Variants in IGFN1 observed in about 807,000 individuals in gnomAD.
IGFN1 encodes the protein immunoglobulin like and fibronectin type III domain containing 1, also known as immunoglobulin-like and fibronectin type III domain-containing protein 1.
Under a neutral mutation model 289.5 loss-of-function variants are expected in IGFN1, and 253 were observed. The ratio of observed to expected loss-of-function variants is 0.87; its 90% confidence interval spans 0.79 to 0.97. The LOEUF is 0.97. IGFN1 is among the 50% of genes least tolerant of loss of function. The probability of loss-of-function intolerance (pLI) is 0.00; values close to 1 mark genes in which losing one functional copy is unlikely to be tolerated. For synonymous variants in IGFN1, 1,706 were observed against 1,788.5 expected, an observed-to-expected ratio of 0.95 and a Z score of 1.16; for missense variants, 4,470 against 4,686.1, an observed-to-expected ratio of 0.95 and a Z score of 1.35.
At position 201,213,091 on chromosome 1, in the gene IGFN1, G is replaced by A; in HGVS notation, c.8198G>A (p.Gly2733Glu). 6.4e-7 allele frequency: 1 copy of A among 1,551,626 alleles called. No homozygotes were observed. Among genetic ancestry groups the A allele is most frequent in the East Asian group, 2.4e-5 (1 of 40,908 alleles). ...CTCACCCCAAAACCTGGGGAGTCCG[G>A]ACCTCAGGGAGCCTGGAATGGCTTA... ...NALTPKPGES[G>E]PQGAWNGLDG... Residue 2733 changes from glycine (G) to glutamate (E), a missense_variant, in exon 12 of 24, where the codon GGA becomes GAA. Transcript: ENST00000335211.
intron 8 of IGFN1, 23 bp from the exon 9 acceptor site, chr1:201,201,696 C>G (rs10158976): frequency 0.93 from 1,179,636 of 1,267,026 alleles, 549,646 homozygotes; most frequent in East Asian, 1. Context: ...AGCTCTCCTG[C>G]TGGGTGTTTG....
intron 5 of IGFN1, 91 bp downstream of exon 5, chr1:201,197,408 G>C: frequency 2.6e-6 from 2 of 780,096 alleles, no homozygotes; most frequent in African/African-American, 1.7e-5. Context: ...GGAGGGGAGG[G>C]GAGGGAAGGG....
In IGFN1 at chr1:201,194,272, G is replaced by C; in HGVS notation, c.126G>C (p.Glu42Asp). The C allele has an allele frequency of 6.4e-7, 1 of 1,551,332 alleles. No homozygotes were observed. The highest frequency in any genetic ancestry group is 2.0e-5 in the Admixed American group (1 of 51,012). ...AGCCCGTCACCTCGGCTCTGCCAGA[G>C]GGTGAGCCCAGAGGGGAGCTGCGGA... ...EQKPVTSALPEGKNAVFRAVV... is the reference protein window; with the variant it reads ...EQKPVTSALPDGKNAVFRAVV... The change falls in exon 3 of 24, where the codon GAG (glutamate) becomes GAC (aspartate). Residue 42 changes from glutamate (E) to aspartate (D), a missense_variant and splice_region_variant. This residue lies in a region of IGFN1 where 2,011 missense variants were observed against 1,953.4 expected (regional missense o/e 1.03). Coordinates refer to ENST00000335211, the MANE Select transcript of IGFN1 (RefSeq NM_001164586.2).
intron 5 of IGFN1, among the ~76,000 whole-genome samples, chr1:201,198,775 G>C (rs1016522713): frequency 6.6e-5 from 10 of 152,116 alleles, no homozygotes; most frequent in African/African-American, 2.4e-4. Flanking sequence ...GAAATTCCTG[G>C]AGCTCATTGG....
chr1:201,213,642 C>G (rs2102351523), intron 12 of IGFN1, 21 bp downstream of exon 12: 1 of 1,601,810 alleles, frequency 6.2e-7, no homozygotes, highest in South Asian at 1.1e-5. Context: ...CTCTGCTGAG[C>G]TGGCTCCCAT....
chr1:201,199,987 A>G (rs1667077103), intron 7 of IGFN1, among the ~76,000 whole-genome samples: 1 of 151,902 alleles, frequency 6.6e-6, no homozygotes, highest in African/African-American at 2.4e-5. Context: ...CAGACATCCT[A>G]CTTAGAAATC....
rs1667460779 is a variant in IGFN1, at chr1:201,207,033, TC to T, written c.2141del (p.Ser714Ter). 6.5e-7 allele frequency: 1 copy of T among 1,536,368 alleles called. No individual in the cohort carries two copies. Among genetic ancestry groups the T allele is most frequent in the Non-Finnish European group, 8.7e-7 (1 of 1,146,710 alleles). ...TGGGGAAGCCAGGGGCTACTGGGGGTCAGGAGAGTTGCTAGAACAGATACCT... is the reference window on the plus strand; with the variant it reads ...TGGGGAAGCCAGGGGCTACTGGGGGTAGGAGAGTTGCTAGAACAGATACCT... The part of the protein sequence containing the change: ...DYGEARGYWG[S>X]GELLEQIPGG... On this transcript the variant is annotated frameshift_variant, in exon 12 of 24. Transcript: ENST00000335211. LOFTEE classifies it high-confidence loss of function.
Position 201,216,697 on chromosome 1 carries a change from C to T in IGFN1, c.9539C>T (p.Thr3180Ile), listed in dbSNP as rs765089427. Residue 3180 changes from threonine (T) to isoleucine (I), a missense_variant, in exon 16 of 24, where the codon ACC (threonine) becomes ATC (isoleucine). By Grantham distance (89) the Thr-to-Ile change is moderately conservative. Coordinates refer to ENST00000335211, the MANE Select transcript of IGFN1 (RefSeq NM_001164586.2). ...RKYTFRVRAV[T>I]SEGAGEALES... Reference sequence around the variant, plus strand: ...TATACCTTCCGAGTGCGGGCTGTGACCTCAGAGGGGGCTGGCGAGGCCCTG... The same window carrying T: ...TATACCTTCCGAGTGCGGGCTGTGATCTCAGAGGGGGCTGGCGAGGCCCTG... The T allele has an allele frequency of 6.2e-7, 1 of 1,613,836 alleles. No individual in the cohort carries two copies. Among genetic ancestry groups the T allele is most frequent in the South Asian group, 1.1e-5 (1 of 91,072 alleles).
chr1:201,208,475 T>A lies in IGFN1; in HGVS notation c.3582T>A (p.Pro1194=). 2.8e-6 allele frequency: 4 copies of A among 1,446,616 alleles called. No homozygotes were observed. The South Asian group carries it at 6.0e-5, about 22-fold the overall frequency. The allele number at this position is 1,446,616 out of a possible 1,614,324, so 89.6% of individuals were successfully genotyped here. Residue 1194 remains proline, a synonymous_variant, in exon 12 of 24, where the codon CCT becomes CCA. Coordinates refer to ENST00000335211, the MANE Select transcript of IGFN1 (RefSeq NM_001164586.2). ...DDTRHPESLA[P]HNGAASGSQW... ...CCAGGCACCCTGAGTCACTCGCACCTCACAATGGGGCCGCTTCTGGGAGCC... is the reference window on the plus strand; with the variant it reads ...CCAGGCACCCTGAGTCACTCGCACCACACAATGGGGCCGCTTCTGGGAGCC...
chr1:201,200,148 T>C (rs1363642749), intron 7 of IGFN1, 89 bp from the exon 8 acceptor site: 4 of 1,088,080 alleles, frequency 3.7e-6, no homozygotes, highest in Admixed American at 4.8e-5. Flanking sequence ...TAGAGCAGCT[T>C]CCCAGAACTA....
intron 20 of IGFN1, chr1:201,223,187 T>C (rs912651332): frequency 2.3e-5 from 4 of 171,710 alleles, no homozygotes; most frequent in Admixed American, 6.2e-5. Context: ...GACTTCACAA[T>C]GTATTTTTGT....
At chr1:201,204,125 T>A (rs369089660) in intron 10 of IGFN1, among the ~76,000 whole-genome samples, 1 of 152,220 alleles carries the variant, frequency 6.6e-6, no homozygotes, top group Admixed American at 6.5e-5. Context: ...TGGGTTCTAC[T>A]GAATTACTGT....
At chr1:201,202,224 G>A (rs879410774) in intron 9 of IGFN1, among the ~76,000 whole-genome samples, 5 of 152,176 alleles carry the variant, frequency 3.3e-5, no homozygotes, top group Non-Finnish European at 7.4e-5. Context: ...GGGGGCAGAG[G>A]CAGGTGGGGA....
chr1:201,226,765 A>G (rs866838151), intron 22 of IGFN1, 117 bp from the exon 23 acceptor site: 2 of 777,670 alleles, frequency 2.6e-6, no homozygotes, highest in Middle Eastern at 4.8e-4. Context: ...AAGATGTGGC[A>G]GGAAATCCCA....
intron 23 of IGFN1, among the ~76,000 whole-genome samples, chr1:201,227,859 T>A (rs1229207324): frequency 2.0e-5 from 3 of 152,194 alleles, no homozygotes; most frequent in Non-Finnish European, 4.4e-5. Flanking sequence ...TGAACAGGCA[T>A]CCGTATTGCT....
chr1:201,194,918 G>T (rs887342325), intron 3 of IGFN1, among the ~76,000 whole-genome samples: 10 of 152,200 alleles, frequency 6.6e-5, no homozygotes, highest in African/African-American at 2.4e-4. Flanking sequence ...GGGCCCTTGG[G>T]CCTTTGGTCT....
chr1:201,220,558 CACT>C, intron 18 of IGFN1, among the ~76,000 whole-genome samples: 1 of 152,368 alleles, frequency 6.6e-6, no homozygotes, highest in South Asian at 2.1e-4. Context: ...CCACAGCAAT[CACT>C]ACATTTTCTG....
At chr1:201,226,784 C>G (rs1450418794) in intron 22 of IGFN1, 98 bp from the exon 23 acceptor site, 2 of 945,638 alleles carry the variant, frequency 2.1e-6, no homozygotes, top group African/African-American at 3.3e-5. Flanking sequence ...CAGATAAGGC[C>G]TACATGGTAG....
At chr1:201,194,123 G>A (rs941958169) in intron 2 of IGFN1, 31 bp from the exon 3 acceptor site, 8 of 1,549,662 alleles carry the variant, frequency 5.2e-6, no homozygotes, top group Admixed American at 3.9e-5. Context: ...AAGGTGGAAG[G>A]CCCCATCTCC....
Sources: gnomAD v4.1 joint callset for allele counts (sites outside exome capture counted in the v4.1 genomes callset) on GRCh38, gnomAD v4.1.1 for gene constraint, gnomAD v4.1.1 regional missense constraint, MANE v1.5 for transcripts, NCBI Gene and HGNC (gene_info 2026-07-23, HGNC 2026-07-21) for gene names.